GRK7: variants seen among roughly 807,000 people sequenced by gnomAD.
The protein encoded by GRK7 is rhodopsin kinase GRK7.
Under a neutral mutation model 34.1 loss-of-function variants are expected in GRK7, and 24 were observed. The ratio of observed to expected loss-of-function variants is 0.70; its 90% CI spans 0.51 to 0.99. The LOEUF (loss-of-function observed/expected upper bound fraction) is 0.99, where lower values mean the gene tolerates loss of function less well. Ranked by LOEUF, GRK7 falls within the 50% of genes least tolerant of loss-of-function variation. GRK7 has a pLI of 0.00. For missense variants in GRK7, 644 were observed against 707.3 expected, an observed-to-expected ratio of 0.91 and a Z score of 1.02; for synonymous variants, 256 against 279.4, an observed-to-expected ratio of 0.92 and a Z score of 0.84.
rs1237535523 is a variant in GRK7, at chr3:141,817,522, C to T, written c.*472C>T. ...GCTGGAAACAAATGTTTCTGACATT[C>T]TCCCCCTAAAAAGGAGTGGATTACA... On this transcript the variant is annotated 3_prime_UTR_variant, in exon 6 of 6. Coordinates refer to ENST00000682958, the MANE Select transcript of GRK7 (RefSeq NM_139209.3). The T allele has an allele frequency of 6.5e-6, 1 of 152,758 alleles. No homozygotes were observed. The highest frequency in any genetic ancestry group is 2.4e-5 in the African/African-American group (1 of 41,474). 9.5% of individuals were successfully genotyped at this position (152,758 alleles called of 1,614,324 possible).
intron 4 of GRK7, among the ~76,000 whole-genome samples, chr3:141,789,663 A>AAAAACAAAAAAAAAAAC (rs1553736391): frequency 2.6e-4 from 38 of 146,872 alleles, no homozygotes; most frequent in African/African-American, 8.5e-4. Context: ...GGGCAAAAAA[A>AAAAACAAAAAAAAAAAC]AAAAAAACAC....
At chr3:141,811,748 GA>G (rs1419413212) in intron 5 of GRK7, among the ~76,000 whole-genome samples, 35 of 152,084 alleles carry the variant, frequency 2.3e-4, no homozygotes, top group Admixed American at 6.5e-5. Flanking sequence ...CAAATGCCTC[GA>G]CAGCATGTTA....
At chr3:141,806,566 A>AAT (rs148786958) in intron 4 of GRK7, among the ~76,000 whole-genome samples, 7,694 of 149,972 alleles carry the variant, frequency 0.051, 322 homozygotes, top group African/African-American at 0.11. Flanking sequence ...CCATCTCAAA[A>AAT]ATATATATAT....
intron 1 of GRK7, among the ~76,000 whole-genome samples, chr3:141,769,391 C>T (rs1368330441): frequency 6.6e-6 from 1 of 152,192 alleles, no homozygotes; most frequent in Non-Finnish European, 1.5e-5. Flanking sequence ...GCTGCAGTAA[C>T]CTCTCATCTG....
At chr3:141,763,364 T>C (rs141646525), upstream of GRK7, among the ~76,000 whole-genome samples, 24 of 152,192 alleles carry the variant, frequency 1.6e-4, no homozygotes, top group East Asian at 4.6e-3. Flanking sequence ...GTCCTTAAGG[T>C]GAATGCAAAG....
At chr3:141,806,422 G>T (rs963160966) in intron 4 of GRK7, among the ~76,000 whole-genome samples, 6 of 152,046 alleles carry the variant, frequency 3.9e-5, no homozygotes, top group Non-Finnish European at 5.9e-5. Flanking sequence ...AATTAGCCAG[G>T]CGTGGTGGCA....
upstream of GRK7, among the ~76,000 whole-genome samples, chr3:141,762,603 C>A (rs563687090): frequency 1.3e-5 from 2 of 151,734 alleles, no homozygotes; most frequent in African/African-American, 4.8e-5. Flanking sequence ...CTGGAGCCTA[C>A]GGAGGCAGGC....
chr3:141,818,944 T>C lies in GRK7; in HGVS notation c.*1894T>C, dbSNP rs956626983. On this transcript the variant is annotated 3_prime_UTR_variant, in exon 6 of 6. Transcript: ENST00000682958. ...GTGCACCTGCGGCTCACTTTCCCGC[T>C]CCTCCTCCATCCTCAGCATGCTCCC... 9.9e-5 allele frequency among the ~76,000 whole-genome samples: 15 copies of C among 152,164 alleles called. No homozygotes were observed. Among genetic ancestry groups the C allele is most frequent in the African/African-American group, 3.1e-4 (13 of 41,444 alleles).
chr3:141,774,534 A>G (rs2084630573), intron 1 of GRK7, among the ~76,000 whole-genome samples, 46 bp from the exon 2 acceptor site: 1 of 152,196 alleles, frequency 6.6e-6, no homozygotes, highest in Admixed American at 6.5e-5. Flanking sequence ...TTCCCCAGTG[A>G]TAAGCTTAAA....
chr3:141,778,727 C>T lies in GRK7; in HGVS notation c.443C>T (p.Thr148Met). 6.2e-7 allele frequency: 1 copy of T among 1,612,156 alleles called. No individual in the cohort carries two copies. The highest frequency in any genetic ancestry group is 2.2e-5 in the East Asian group (1 of 44,856). The stretch of plus-strand genomic sequence containing the variant: ...GAGGAAGAGCGAGTGGCTGCAGTGA[C>T]GCTGGCCAAGGCTGAGGCCATGGCT... ...TTEEERVAAV[T>M]LAKAEAMAFL... is the part of the protein sequence containing the mutation. The change falls in exon 3 of 6, where the codon ACG becomes ATG. Residue 148 changes from threonine (T) to methionine (M), a missense_variant. Physicochemically the swap from Thr to Met is moderately conservative, Grantham distance 81. Coordinates refer to ENST00000682958, the MANE Select transcript of GRK7 (RefSeq NM_139209.3). This position sits in a 1 kb window ranked among gnomAD's most constrained non-coding sequence, Gnocchi z 4.1.
chr3:141,799,757 A>C (rs1217185182), intron 4 of GRK7, among the ~76,000 whole-genome samples: 1 of 152,246 alleles, frequency 6.6e-6, no homozygotes, highest in African/African-American at 2.4e-5. Context: ...AGGAATTCAC[A>C]TAAAGCACTA....
rs765257624 is a variant in GRK7 at position 141,778,533 on chromosome 3, G to A, written c.249G>A (p.Ala83=). ...FLATVPTFRK[A]ATFLEDVQNW... is the part of the protein sequence containing the mutation. ...CCACAGTGCCCACGTTCCGCAAGGC[G>A]GCAACCTTCCTAGAGGACGTGCAGA... is the stretch of plus-strand genomic sequence containing the variant. The change falls in exon 3 of 6, where the codon GCG becomes GCA. Residue 83 remains alanine, a synonymous_variant. Coordinates refer to ENST00000682958, the MANE Select transcript of GRK7 (RefSeq NM_139209.3). The surrounding 1 kb of genome is among the most constrained non-coding windows in gnomAD (Gnocchi z 4.1). 1.9e-5 allele frequency: 31 copies of A among 1,613,250 alleles called. No homozygotes were observed. Among genetic ancestry groups the A allele is most frequent in the South Asian group, 4.4e-5 (4 of 91,088 alleles).
At chr3:141,756,969 T>C in the GRK7 span, among the ~76,000 whole-genome samples, 1 of 152,116 alleles carries the variant, frequency 6.6e-6, no homozygotes, top group Non-Finnish European at 1.5e-5. Flanking sequence ...AGGGAAAATG[T>C]TTTATTAATT....
intron 1 of GRK7, among the ~76,000 whole-genome samples, chr3:141,768,271 CTTT>C (rs550541266): frequency 1.5e-5 from 2 of 137,894 alleles, no homozygotes; most frequent in Non-Finnish European, 3.1e-5. Flanking sequence ...TCCTGTCAGC[CTTT>C]TTTTTTTTTT....
intron 1 of GRK7, among the ~76,000 whole-genome samples, chr3:141,770,952 A>T (rs756304898): frequency 3.6e-4 from 52 of 146,092 alleles, no homozygotes; most frequent in Non-Finnish European, 5.8e-4. Context: ...CCGTGATCAC[A>T]CCACTGCACT....
intron 1 of GRK7, among the ~76,000 whole-genome samples, chr3:141,773,358 G>A (rs2084625304): frequency 6.6e-6 from 1 of 151,690 alleles, no homozygotes; most frequent in South Asian, 2.1e-4. Context: ...ATGCTGAATT[G>A]GCTGCTCTAT....
At chr3:141,755,710 T>A in the GRK7 span, among the ~76,000 whole-genome samples, 2 of 151,958 alleles carry the variant, frequency 1.3e-5, no homozygotes, top group African/African-American at 4.8e-5. Flanking sequence ...GTAGAGGAAT[T>A]GGAACTCTTT....
At chr3:141,790,853 C>T (rs748330312) in intron 4 of GRK7, among the ~76,000 whole-genome samples, 3 of 151,828 alleles carry the variant, frequency 2.0e-5, no homozygotes, top group South Asian at 2.1e-4. Context: ...CGTAAGCCAC[C>T]GCGCCCGGTC....
Position 141,767,394 on chromosome 3 carries a change from T to C in GRK7, c.-215+1656T>C, listed in dbSNP as rs1193180430. On this transcript the variant is annotated intron_variant, in intron 1 of 5. Coordinates refer to ENST00000682958, the MANE Select transcript of GRK7 (RefSeq NM_139209.3). ...ACTAAAAATCTGTTGGTTTTGTGTT[T>C]TGTTTTTTGTTTTTTTTTTTTGAGA... Among the ~76,000 whole-genome samples the C allele has an allele frequency of 3.3e-5, 5 of 149,580 alleles. No individual in the cohort carries two copies. In the East Asian group the frequency reaches 9.8e-4, roughly 29 times the overall value.
Sources: gnomAD v4.1 joint callset for allele counts (sites outside exome capture counted in the v4.1 genomes callset) on GRCh38, gnomAD v4.1.1 for gene constraint, Gnocchi (gnomAD v3.1) non-coding constraint, MANE v1.5 for transcripts, NCBI Gene and HGNC (gene_info 2026-07-23, HGNC 2026-07-21) for gene names.